DPYD: variants seen among roughly 807,000 people sequenced by gnomAD.
DPYD encodes dihydropyrimidine dehydrogenase [NADP(+)].
DPYD carries 109 observed loss-of-function variants against 116.2 expected under a neutral mutation model. The ratio of observed to expected loss-of-function variants is 0.94; its 90% CI spans 0.80 to 1.10. The LOEUF (loss-of-function observed/expected upper bound fraction) is 1.10. Among genes scored for constraint, DPYD ranks in the 50% least tolerant of loss-of-function variants. The pLI is 0.00. For missense variants in DPYD, 1,302 were observed against 1,254.5 expected (o/e 1.04, Z -0.57); for synonymous variants, 440 against 432.0 (o/e 1.02, Z -0.23).
intron 20 of DPYD, among the ~76,000 whole-genome samples, chr1:97,148,086 C>A (rs538650280): frequency 6.6e-6 from 1 of 152,216 alleles, no homozygotes; most frequent in African/African-American, 2.4e-5. Flanking sequence ...TGGAAGCCTG[C>A]AACTGTAACA....
intron 16 of DPYD, among the ~76,000 whole-genome samples, chr1:97,306,672 T>A (rs759720204): frequency 2.6e-5 from 4 of 151,934 alleles, no homozygotes; most frequent in Non-Finnish European, 1.5e-5. Flanking sequence ...TCTCATTGGT[T>A]TAAGCAAAAT....
At chr1:97,116,360 A>T (rs912801874) in intron 20 of DPYD, among the ~76,000 whole-genome samples, 1 of 152,160 alleles carries the variant, frequency 6.6e-6, no homozygotes, top group African/African-American at 2.4e-5. Context: ...AGGTCCAGAT[A>T]TAAACTATAG....
At chr1:97,416,070 C>A (rs1185912390) in intron 14 of DPYD, among the ~76,000 whole-genome samples, 2 of 152,050 alleles carry the variant, frequency 1.3e-5, no homozygotes, top group Admixed American at 1.3e-4. Flanking sequence ...CAAGAGAAAT[C>A]CAATAATATT....
chr1:97,542,038 C>T (rs1557785006), intron 12 of DPYD, among the ~76,000 whole-genome samples: 1 of 152,090 alleles, frequency 6.6e-6, no homozygotes, highest in Non-Finnish European at 1.5e-5. Flanking sequence ...AACTGGAAAA[C>T]GCTTTTCTTC....
chr1:97,343,935 G>A (rs1046825946), intron 16 of DPYD, among the ~76,000 whole-genome samples: 1 of 151,778 alleles, frequency 6.6e-6, no homozygotes, highest in Non-Finnish European at 1.5e-5. Flanking sequence ...TTACTCCAAT[G>A]GTAAATGGTA....
At chr1:97,845,515 T>C (rs181563386) in intron 2 of DPYD, among the ~76,000 whole-genome samples, 12 of 152,302 alleles carry the variant, frequency 7.9e-5, no homozygotes, top group Admixed American at 5.9e-4. Context: ...CTAACCACTA[T>C]GGGTCTCTCG....
At chr1:97,195,292 GAAAAA>G (rs1658670169) in intron 19 of DPYD, among the ~76,000 whole-genome samples, 1 of 151,692 alleles carries the variant, frequency 6.6e-6, no homozygotes, top group Admixed American at 6.6e-5. Context: ...AGCCAACAAA[GAAAAA>G]TCATGTCATG....
Position 97,300,574 on chromosome 1 carries a change from C to T in DPYD, c.2299+4685G>A, listed in dbSNP as rs577469403. On this transcript the variant is annotated intron_variant, in intron 18 of 22. Coordinates refer to ENST00000370192, the MANE Select transcript of DPYD (RefSeq NM_000110.4). ...GCCAAAATCTTCAGTTGCTGGCATGCGTGAAAATAGTTATTTAAAGAAAAA... is the reference window on the plus strand; with the variant it reads ...GCCAAAATCTTCAGTTGCTGGCATGTGTGAAAATAGTTATTTAAAGAAAAA... Among the ~76,000 whole-genome samples the T allele has an allele frequency of 2.6e-5, 4 of 152,114 alleles. No homozygotes were observed. The East Asian group carries it at 7.7e-4, about 29-fold the overall frequency.
intron 2 of DPYD, among the ~76,000 whole-genome samples, chr1:97,858,192 C>T (rs934679455): frequency 3.3e-5 from 5 of 152,148 alleles, no homozygotes; most frequent in Admixed American, 3.3e-4. Flanking sequence ...CAAATGGAAG[C>T]TTGATAGGAC....
intron 4 of DPYD, among the ~76,000 whole-genome samples, chr1:97,732,051 T>C (rs1663645286): frequency 6.6e-6 from 1 of 152,106 alleles, no homozygotes; most frequent in African/African-American, 2.4e-5. Flanking sequence ...AACATGACTC[T>C]TGGACTTATA....
At chr1:97,459,504 G>A (rs903981458) in intron 13 of DPYD, among the ~76,000 whole-genome samples, 1 of 151,924 alleles carries the variant, frequency 6.6e-6, no homozygotes, top group African/African-American at 2.4e-5. Flanking sequence ...ATACAAGAAA[G>A]GGAAGAATTA....
At position 97,866,314 on chromosome 1, in the gene DPYD, G is replaced by A. The variant is rs1357712985; in HGVS notation, c.150+16950C>T. 2.6e-5 allele frequency among the ~76,000 whole-genome samples: 4 copies of A among 151,998 alleles called. No homozygotes were observed. The East Asian group carries it at 7.8e-4, about 29-fold the overall frequency. ...CTTCCACAAGACAGCTTCTTTACTGGCCTTCTGTTAATGAGTTAGAGGTAT... is the reference window on the plus strand; with the variant it reads ...CTTCCACAAGACAGCTTCTTTACTGACCTTCTGTTAATGAGTTAGAGGTAT... On this transcript the variant is annotated intron_variant, in intron 2 of 22. Transcript: ENST00000370192.
intron 13 of DPYD, among the ~76,000 whole-genome samples, chr1:97,476,410 A>G (rs1677963974): frequency 6.6e-6 from 1 of 152,196 alleles, no homozygotes; most frequent in Admixed American, 6.5e-5. Flanking sequence ...CAAAGTATAA[A>G]TTTATATGAA....
At chr1:97,715,310 C>T (rs1402528585) in intron 5 of DPYD, among the ~76,000 whole-genome samples, 1 of 152,092 alleles carries the variant, frequency 6.6e-6, no homozygotes, top group African/African-American at 2.4e-5. Flanking sequence ...AAGGTCTAAT[C>T]ACCTCCAAAA....
At chr1:97,450,298 A>T (rs963611837) in intron 13 of DPYD, 75 bp from the exon 14 acceptor site, 1 of 1,510,230 alleles carries the variant, frequency 6.6e-7, no homozygotes, top group African/African-American at 1.4e-5. Flanking sequence ...GCTCATTTCC[A>T]TATGACAATA....
intron 2 of DPYD, among the ~76,000 whole-genome samples, chr1:97,852,791 T>C (rs1307090663): frequency 6.6e-6 from 1 of 152,182 alleles, no homozygotes; most frequent in Admixed American, 6.5e-5. Context: ...CCCATGAAGC[T>C]GAAACACAGG....
intron 18 of DPYD, among the ~76,000 whole-genome samples, chr1:97,274,947 G>A (rs1664841826): frequency 1.3e-5 from 2 of 152,178 alleles, no homozygotes; most frequent in Non-Finnish European, 1.5e-5. Flanking sequence ...CATGGAATCA[G>A]GGGTAAGGGC....
At chr1:97,460,411 C>A (rs1676950868) in intron 13 of DPYD, among the ~76,000 whole-genome samples, 2 of 152,138 alleles carry the variant, frequency 1.3e-5, no homozygotes, top group African/African-American at 4.8e-5. Flanking sequence ...ACAAAACATA[C>A]AACATGGGAA....
At chr1:97,474,632 A>G (rs987478828) in intron 13 of DPYD, among the ~76,000 whole-genome samples, 1 of 151,976 alleles carries the variant, frequency 6.6e-6, no homozygotes, top group Non-Finnish European at 1.5e-5. Context: ...AGATTAATAA[A>G]GAAACAAAAA....
Sources: allele counts gnomAD v4.1 joint callset (sites outside exome capture counted in the v4.1 genomes callset), GRCh38; gene constraint gnomAD v4.1.1; transcripts MANE v1.5; gene names NCBI Gene and HGNC (gene_info 2026-07-23, HGNC 2026-07-21).